The following TG variants were observed in gnomAD, a reference collection of about 807,000 sequenced individuals.
The protein encoded by TG is thyroid hormones.
In TG, 270 loss-of-function variants were observed where a neutral mutation model predicts 324.7. That is an observed-to-expected ratio of 0.83 (90% CI 0.75 to 0.92). The LOEUF (loss-of-function observed/expected upper bound fraction) is 0.92, where lower values mean the gene tolerates loss of function less well. TG is among the 40% of genes least tolerant of loss of function. The probability of loss-of-function intolerance (pLI) is 0.00; values close to 1 mark genes in which losing one functional copy is unlikely to be tolerated. For missense variants in TG, 3,591 were observed against 3,456.4 expected (o/e 1.04, Z -0.98); for synonymous variants, 1,401 against 1,327.0 (o/e 1.06, Z -1.21).
At chr8:133,086,264 G>A (rs949970317) in intron 41 of TG, among the ~76,000 whole-genome samples, 1 of 152,190 alleles carries the variant, frequency 6.6e-6, no homozygotes, top group African/African-American at 2.4e-5. Context: ...TAATGAAAAT[G>A]TTCTAAAATT....
intron 33 of TG, chr8:132,972,133 C>T (rs1401369918): frequency 7.9e-6 from 4 of 508,562 alleles, no homozygotes; most frequent in Non-Finnish European, 1.4e-5. Flanking sequence ...ATCTTTTGTT[C>T]ATCTTTCAAC....
chr8:132,985,467 T>C (rs1304633142), intron 35 of TG, among the ~76,000 whole-genome samples: 1 of 152,218 alleles, frequency 6.6e-6, no homozygotes, highest in East Asian at 1.9e-4. Flanking sequence ...GATGGAGACT[T>C]AGCTCTCTGT....
intron 41 of TG, chr8:133,040,298 G>C (rs1837975412): frequency 2.9e-6 from 2 of 695,058 alleles, no homozygotes; most frequent in Admixed American, 5.6e-5. Flanking sequence ...AAAGTCACGC[G>C]CCCAGCTGTT....
At chr8:132,887,577 G>C in intron 9 of TG, 29 bp downstream of exon 9, 1 of 1,614,152 alleles carries the variant, frequency 6.2e-7, no homozygotes, top group Non-Finnish European at 8.5e-7. Context: ...CAATCTGTAG[G>C]TTCCCTGAGT....
At chr8:133,068,182 C>T (rs1226330080) in intron 41 of TG, among the ~76,000 whole-genome samples, 3 of 152,230 alleles carry the variant, frequency 2.0e-5, no homozygotes, top group African/African-American at 4.8e-5. Flanking sequence ...CAAGGTCACA[C>T]ATTAAGTTTG....
intron 43 of TG, chr8:133,106,543 C>G (rs1849822999): frequency 1.2e-6 from 1 of 809,690 alleles, no homozygotes; most frequent in South Asian, 5.6e-5. Flanking sequence ...CTCCTCTGCC[C>G]TCATCACTCC....
intron 41 of TG, among the ~76,000 whole-genome samples, chr8:133,070,779 CT>C (rs1843886551): frequency 6.6e-6 from 1 of 152,212 alleles, no homozygotes; most frequent in Non-Finnish European, 1.5e-5. Context: ...GCACACAGGC[CT>C]GGGAGCTGGT....
At chr8:133,024,985 A>C (rs1310448919) in intron 40 of TG, among the ~76,000 whole-genome samples, 2 of 152,284 alleles carry the variant, frequency 1.3e-5, no homozygotes, top group Non-Finnish European at 1.5e-5. Context: ...CAGGATTATA[A>C]ATTATTTTAC....
intron 21 of TG, among the ~76,000 whole-genome samples, chr8:132,919,874 G>T (rs1474575056): frequency 6.6e-6 from 1 of 152,182 alleles, no homozygotes; most frequent in Admixed American, 6.5e-5. Flanking sequence ...CCTGGGCCAG[G>T]CATTTTACCT....
intron 41 of TG, among the ~76,000 whole-genome samples, chr8:133,081,320 G>A (rs144808707): frequency 6.6e-6 from 1 of 152,244 alleles, no homozygotes; most frequent in African/African-American, 2.4e-5. Context: ...TGAAGGTTGT[G>A]CCTTTTGAAT....
chr8:132,939,548 G>C (rs1360990567), intron 25 of TG, among the ~76,000 whole-genome samples: 2 of 152,228 alleles, frequency 1.3e-5, no homozygotes, highest in African/African-American at 4.8e-5. Context: ...GGCTGAGTGA[G>C]CCAATGCTTG....
chr8:132,944,610 G>A (rs1156592778), intron 26 of TG, among the ~76,000 whole-genome samples: 1 of 152,212 alleles, frequency 6.6e-6, no homozygotes, highest in Non-Finnish European at 1.5e-5. Context: ...CCAGTGGTCA[G>A]CAAAGGGAAC....
chr8:133,037,638 CT>C (rs113184710), intron 41 of TG: 21,117 of 143,794 alleles, frequency 0.15, 1,566 homozygotes, highest in African/African-American at 0.21. Flanking sequence ...ACTTACGCAT[CT>C]TTTTTTTTTT....
rs780817859 is a variant in TG at position 133,019,594 on chromosome 8, A to G, written c.6783-8A>G. On this transcript the variant is annotated splice_region_variant and splice_polypyrimidine_tract_variant and intron_variant, in intron 38 of 47. Transcript: ENST00000220616. ...ATGTCTTGGAAGTCACCCAGTCTGT[A>G]TCTGCAGGGCCAGCTGCTGGCAGCC... 5 of 1,613,278 alleles carry G rather than the reference A, an allele frequency of 3.1e-6. No homozygotes were observed. In the South Asian group the frequency reaches 4.4e-5, roughly 14 times the overall value.
intron 36 of TG, 26 bp downstream of exon 36, chr8:133,012,061 T>C: frequency 6.8e-6 from 11 of 1,613,992 alleles, no homozygotes; most frequent in Non-Finnish European, 8.5e-6. Flanking sequence ...AACCCACAGG[T>C]TGGGTGGGAC....
At chr8:133,040,397 G>A (rs1180693940) in intron 41 of TG, 5 of 414,650 alleles carry the variant, frequency 1.2e-5, no homozygotes, top group Non-Finnish European at 2.2e-5. Context: ...AACCAAGCTT[G>A]GGTTTGAATT....
intron 41 of TG, among the ~76,000 whole-genome samples, chr8:133,077,180 G>A (rs1221990181): frequency 6.6e-6 from 1 of 152,152 alleles, no homozygotes; most frequent in African/African-American, 2.4e-5. Flanking sequence ...AGAAGGGACT[G>A]CTGGTTTCAC....
In TG at chr8:133,075,167, G is replaced by A. The variant is rs573333621; in HGVS notation, c.7240-19877G>A. The A allele has an allele frequency of 5.1e-5, 50 of 976,944 alleles. No individual in the cohort carries two copies. In the Middle Eastern group the frequency reaches 1.6e-3, roughly 31 times the overall value. 60.5% of individuals were successfully genotyped at this position (976,944 alleles called of 1,614,324 possible). On this transcript the variant is annotated intron_variant, in intron 41 of 47. Transcript: ENST00000220616. ...GATGGGTTATTAATTTTTTTACAAA[G>A]CATTTGAGAATATGGCCAGCTTAAC...
chr8:133,095,310 A>G, intron 42 of TG, 102 bp downstream of exon 42: 1 of 1,523,952 alleles, frequency 6.6e-7, no homozygotes, highest in Non-Finnish European at 9.1e-7. Context: ...GCCATACCAC[A>G]CATGAGGCTG....
Sources: allele counts gnomAD v4.1 joint callset (sites outside exome capture counted in the v4.1 genomes callset), GRCh38; gene constraint gnomAD v4.1.1; transcripts MANE v1.5; gene names NCBI Gene and HGNC (gene_info 2026-07-23, HGNC 2026-07-21).